The following RBFOX1 variants were observed in gnomAD, a reference collection of about 807,000 sequenced individuals.
RBFOX1 encodes RNA binding fox-1 homolog 1.
RBFOX1 carries 8 observed loss-of-function variants against 57.7 expected under a neutral mutation model. That is an observed-to-expected ratio of 0.14 (90% confidence interval 0.08 to 0.25). The LOEUF (loss-of-function observed/expected upper bound fraction) is 0.25. Ranked by LOEUF, RBFOX1 falls within the 10% of genes least tolerant of loss-of-function variation. RBFOX1 has a pLI of 1.00. For synonymous variants in RBFOX1, 326 were observed against 222.4 expected (o/e 1.47, Z -4.15); for missense variants, 611 against 548.5 (o/e 1.11, Z -1.14).
intron 4 of RBFOX1, among the ~76,000 whole-genome samples, chr16:7,061,693 C>A (rs758520938): frequency 6.6e-6 from 1 of 152,166 alleles, no homozygotes; most frequent in Non-Finnish European, 1.5e-5. Context: ...ATTCCCATTT[C>A]TTGCTTTATC....
intron 4 of RBFOX1, among the ~76,000 whole-genome samples, chr16:7,191,585 G>A (rs138123339): frequency 1.2e-3 from 179 of 152,256 alleles, no homozygotes; most frequent in African/African-American, 4.1e-3. Flanking sequence ...AACCATATCA[G>A]CCTTAAACAC....
intron 1 of RBFOX1, among the ~76,000 whole-genome samples, chr16:6,083,898 G>A (rs2096048334): frequency 6.6e-6 from 1 of 152,186 alleles, no homozygotes; most frequent in Non-Finnish European, 1.5e-5. Flanking sequence ...CTGAAAGCCT[G>A]TAGATTTATT....
chr16:6,149,424 G>A (rs1255849542), intron 1 of RBFOX1, among the ~76,000 whole-genome samples: 2 of 152,210 alleles, frequency 1.3e-5, no homozygotes, highest in African/African-American at 4.8e-5. Flanking sequence ...GTTCTTAGAA[G>A]TACCCGTGTA....
intron 4 of RBFOX1, among the ~76,000 whole-genome samples, chr16:7,255,840 G>A (rs560763476): frequency 5.9e-5 from 9 of 151,930 alleles, no homozygotes; most frequent in Non-Finnish European, 1.3e-4. Context: ...CTGACAGCAC[G>A]TCTCATTTCA....
intron 2 of RBFOX1, among the ~76,000 whole-genome samples, chr16:6,558,049 G>C (rs1023860988): frequency 2.0e-5 from 3 of 152,014 alleles, no homozygotes; most frequent in African/African-American, 7.3e-5. Flanking sequence ...TCATAAATTA[G>C]GCTCTTTTTT....
At chr16:6,899,350 A>G (rs554054001) in intron 3 of RBFOX1, among the ~76,000 whole-genome samples, 12 of 152,152 alleles carry the variant, frequency 7.9e-5, no homozygotes, top group African/African-American at 2.9e-4. Context: ...TCTATTTAGC[A>G]TCAGGCATTT....
chr16:6,066,293 C>CAAAAAAAAAA lies in RBFOX1; in HGVS notation c.-127+46319_-127+46328dup, dbSNP rs372412356. Among the ~76,000 whole-genome samples the CAAAAAAAAAA allele has an allele frequency of 4.5e-3, 228 of 50,380 alleles. 35 individuals are homozygous for CAAAAAAAAAA. The highest frequency in any genetic ancestry group is 0.024 in the African/African-American group (167 of 6,992). 33.1% of individuals were successfully genotyped at this position (50,380 alleles called of 152,430 possible). ...CTGACTACAGAGCAAGACTCTGTCTCAAAAAAAAAAAAAAAAAAAAAAAAA... is the reference window on the plus strand; with the variant it reads ...CTGACTACAGAGCAAGACTCTGTCTCAAAAAAAAAAAAAAAAAAAAAAAAAAAAAAAAAAA... On this transcript the variant is annotated intron_variant, in intron 1 of 15. Coordinates refer to ENST00000550418, the MANE Select transcript of RBFOX1 (RefSeq NM_018723.4).
chr16:5,311,899 G>A (rs940444748), intron 1 of RBFOX1, among the ~76,000 whole-genome samples: 1 of 152,120 alleles, frequency 6.6e-6, no homozygotes, highest in African/African-American at 2.4e-5. Context: ...TGACTCCCAT[G>A]GTCACTTGCT....
At chr16:5,709,634 T>C (rs180903423) in intron 3 of RBFOX1, among the ~76,000 whole-genome samples, 4 of 150,722 alleles carry the variant, frequency 2.7e-5, no homozygotes, top group Non-Finnish European at 4.4e-5. Flanking sequence ...GTCAGGCACT[T>C]GTCTTGCTGC....
Position 5,870,051 on chromosome 16 carries a change from A to G in RBFOX1, c.351+2716A>G, listed in dbSNP as rs181823675. Among the ~76,000 whole-genome samples, 58 of 151,874 alleles carry G rather than the reference A, an allele frequency of 3.8e-4. 2 individuals are homozygous for G. Among genetic ancestry groups the G allele is most frequent in the Admixed American group, 1.7e-3 (26 of 15,238 alleles). On this transcript the variant is annotated intron_variant, in intron 4 of 19. Transcript: ENST00000641259. The stretch of plus-strand genomic sequence containing the variant: ...GTATGACTCTTAGTAATATAATATT[A>G]TAAGAAAAATATCAGAACAAAAGAA...
intron 4 of RBFOX1, among the ~76,000 whole-genome samples, chr16:7,252,879 C>T (rs971171282): frequency 6.6e-6 from 1 of 152,020 alleles, no homozygotes; most frequent in Admixed American, 6.6e-5. Context: ...ATATGACCTA[C>T]CCATATTTGG....
chr16:6,691,339 G>C (rs1168210435), intron 3 of RBFOX1, among the ~76,000 whole-genome samples: 3 of 152,130 alleles, frequency 2.0e-5, no homozygotes, highest in South Asian at 2.1e-4. Context: ...TGTTTCTTAA[G>C]AAAGCTTATT....
intron 1 of RBFOX1, among the ~76,000 whole-genome samples, chr16:6,134,001 G>A (rs1567532559): frequency 6.6e-6 from 1 of 151,600 alleles, no homozygotes; most frequent in Non-Finnish European, 1.5e-5. Flanking sequence ...CAGTGGCGCA[G>A]TCTCGGTTCA....
chr16:6,405,986 G>A (rs550851280), intron 2 of RBFOX1, among the ~76,000 whole-genome samples: 1 of 152,194 alleles, frequency 6.6e-6, no homozygotes, highest in African/African-American at 2.4e-5. Flanking sequence ...CATACTGTGT[G>A]CAGGAAGGTG....
intron 10 of RBFOX1, among the ~76,000 whole-genome samples, chr16:7,615,325 T>G (rs1325878473): frequency 8.4e-6 from 1 of 119,326 alleles, no homozygotes; most frequent in Non-Finnish European, 1.7e-5. Context: ...AGAGCAAGAC[T>G]CCATCTCAAA....
At chr16:6,343,238 C>A (rs1640880) in intron 2 of RBFOX1, among the ~76,000 whole-genome samples, 42,943 of 152,016 alleles carry the variant, frequency 0.28, 6,428 homozygotes, top group African/African-American at 0.36. Flanking sequence ...TCTTACTCTA[C>A]AGTCATTATT....
intron 2 of RBFOX1, among the ~76,000 whole-genome samples, chr16:5,534,498 C>T (rs1479767032): frequency 6.6e-6 from 1 of 152,144 alleles, no homozygotes; most frequent in African/African-American, 2.4e-5. Context: ...TGGTGTAAAT[C>T]TAAGAGTCAA....
At chr16:6,111,871 G>A (rs887919318) in intron 1 of RBFOX1, among the ~76,000 whole-genome samples, 5 of 152,136 alleles carry the variant, frequency 3.3e-5, no homozygotes, top group Non-Finnish European at 7.3e-5. Flanking sequence ...GACAAAAAGG[G>A]GTAAGTGTAT....
chr16:7,231,507 C>T (rs2093490829), intron 4 of RBFOX1, among the ~76,000 whole-genome samples: 1 of 152,128 alleles, frequency 6.6e-6, no homozygotes, highest in Non-Finnish European at 1.5e-5. Flanking sequence ...CATAGAATTA[C>T]CATATGACCC....
Sources: gnomAD v4.1 joint callset for allele counts (sites outside exome capture counted in the v4.1 genomes callset) on GRCh38, gnomAD v4.1.1 for gene constraint, MANE v1.5 for transcripts, NCBI Gene and HGNC (gene_info 2026-07-23, HGNC 2026-07-21) for gene names.